HPSE2: variants seen among roughly 807,000 people sequenced by gnomAD.
HPSE2 encodes inactive heparanase-2.
Under a neutral mutation model 60.5 loss-of-function variants are expected in HPSE2, and 38 were observed. That is an observed-to-expected ratio of 0.63 (90% CI 0.48 to 0.82). HPSE2 has a LOEUF of 0.82. Among genes scored for constraint, HPSE2 ranks in the 40% least tolerant of loss-of-function variants. HPSE2 has a pLI of 0.00. For synonymous variants in HPSE2, 295 were observed against 293.2 expected (o/e 1.01, Z -0.06); for missense variants, 713 against 740.4 (o/e 0.96, Z 0.43).
chr10:98,963,607 A>G (rs778684900), intron 3 of HPSE2, among the ~76,000 whole-genome samples: 1 of 152,174 alleles, frequency 6.6e-6, no homozygotes, highest in Non-Finnish European at 1.5e-5. Flanking sequence ...TGCCAGCCAC[A>G]TGAATGAAAA....
chr10:99,131,443 A>C (rs1030539371), intron 3 of HPSE2, among the ~76,000 whole-genome samples: 5 of 152,176 alleles, frequency 3.3e-5, no homozygotes, highest in Admixed American at 1.3e-4. Flanking sequence ...CTAAACGCTC[A>C]ACAACCAACA....
At chr10:98,673,836 C>G (rs570109447) in intron 6 of HPSE2, among the ~76,000 whole-genome samples, 23 of 152,184 alleles carry the variant, frequency 1.5e-4, no homozygotes, top group Non-Finnish European at 3.1e-4. Context: ...CATTTACTAC[C>G]TGTGAGTACT....
intron 9 of HPSE2, among the ~76,000 whole-genome samples, chr10:98,604,631 G>GT (rs1487795955): frequency 6.6e-6 from 1 of 152,180 alleles, no homozygotes; most frequent in East Asian, 1.9e-4. Flanking sequence ...AAAGACAGTC[G>GT]TAAGTACTAT....
the HPSE2 span, among the ~76,000 whole-genome samples, chr10:99,298,762 C>G: frequency 1.3e-5 from 2 of 151,854 alleles, no homozygotes; most frequent in Non-Finnish European, 2.9e-5. Flanking sequence ...GCAACCTCTG[C>G]CTTCCGGGTT....
chr10:99,055,228 A>G (rs1160364228), intron 3 of HPSE2, among the ~76,000 whole-genome samples: 1 of 152,206 alleles, frequency 6.6e-6, no homozygotes, highest in African/African-American at 2.4e-5. Context: ...TATTGTAAAT[A>G]TGTAAAGAAT....
chr10:98,909,093 G>A (rs1953908153), intron 3 of HPSE2, among the ~76,000 whole-genome samples: 1 of 152,172 alleles, frequency 6.6e-6, no homozygotes, highest in Admixed American at 6.5e-5. Flanking sequence ...ACAAAATGGT[G>A]GAGCCACAAA....
the HPSE2 span, among the ~76,000 whole-genome samples, chr10:99,250,682 G>T: frequency 6.6e-6 from 1 of 152,042 alleles, no homozygotes; most frequent in Non-Finnish European, 1.5e-5. Flanking sequence ...AATAAAAATA[G>T]AAATCAATAC....
chr10:99,067,618 G>A lies in HPSE2; in HGVS notation c.610+76620C>T, dbSNP rs557604656. Among the ~76,000 whole-genome samples the A allele has an allele frequency of 1.4e-4, 21 of 152,326 alleles. No homozygotes were observed. The South Asian group carries it at 2.9e-3, about 21-fold the overall frequency. On this transcript the variant is annotated intron_variant, in intron 3 of 11. Coordinates refer to ENST00000370552, the MANE Select transcript of HPSE2 (RefSeq NM_021828.5). ...TTGGCTCCTTTTAACCACAGCTGGA[G>A]CAGCTAGGACACAGGGCACCAAGTT...
intron 9 of HPSE2, among the ~76,000 whole-genome samples, chr10:98,545,700 T>G (rs1045760348): frequency 6.6e-6 from 1 of 152,018 alleles, no homozygotes; most frequent in African/African-American, 2.4e-5. Context: ...AATATCATAC[T>G]GAATGGGCAA....
chr10:98,547,939 A>G, intron 9 of HPSE2, among the ~76,000 whole-genome samples: 1 of 152,298 alleles, frequency 6.6e-6, no homozygotes, highest in South Asian at 2.1e-4. Flanking sequence ...CAAAATTTCA[A>G]GAAGTTGAGC....
At chr10:98,543,715 A>T (rs1943555985) in intron 9 of HPSE2, among the ~76,000 whole-genome samples, 1 of 152,092 alleles carries the variant, frequency 6.6e-6, no homozygotes, top group African/African-American at 2.4e-5. Flanking sequence ...ACCAACAAAG[A>T]TCAAAAGAGA....
intron 9 of HPSE2, among the ~76,000 whole-genome samples, chr10:98,583,919 T>C (rs1256477938): frequency 2.6e-5 from 4 of 152,222 alleles, no homozygotes; most frequent in African/African-American, 7.2e-5. Flanking sequence ...GATGAACATT[T>C]GGGCTGTTTC....
At chr10:98,728,946 C>T (rs1041497733) in intron 4 of HPSE2, among the ~76,000 whole-genome samples, 5 of 152,124 alleles carry the variant, frequency 3.3e-5, no homozygotes, top group African/African-American at 1.2e-4. Context: ...GAGGTTGAGG[C>T]TACAGTTGGC....
At chr10:99,149,579 C>A (rs564953959) in intron 2 of HPSE2, among the ~76,000 whole-genome samples, 5 of 152,198 alleles carry the variant, frequency 3.3e-5, no homozygotes, top group African/African-American at 1.2e-4. Flanking sequence ...GAACTTATCA[C>A]AGTAATAGAG....
chr10:98,835,627 C>T (rs1163553767), intron 3 of HPSE2, among the ~76,000 whole-genome samples: 1 of 152,060 alleles, frequency 6.6e-6, no homozygotes, highest in Non-Finnish European at 1.5e-5. Flanking sequence ...TAAAATATGG[C>T]AAGTTATGGA....
At chr10:99,003,163 T>C (rs1281536368) in intron 3 of HPSE2, among the ~76,000 whole-genome samples, 2 of 152,184 alleles carry the variant, frequency 1.3e-5, no homozygotes, top group African/African-American at 4.8e-5. Flanking sequence ...TTCATCCATG[T>C]TGTCACAAAT....
chr10:98,765,220 A>G (rs1238546512), intron 3 of HPSE2, among the ~76,000 whole-genome samples: 1 of 152,212 alleles, frequency 6.6e-6, no homozygotes. Context: ...ATTCTTTAGC[A>G]GTGCTCATAA....
chr10:98,989,491 T>G (rs1274081847), intron 3 of HPSE2, among the ~76,000 whole-genome samples: 2 of 134,464 alleles, frequency 1.5e-5, no homozygotes. Context: ...CACCGGGGAC[T>G]GTTGTGGGGT....
At chr10:98,824,211 TA>T (rs144064598) in intron 3 of HPSE2, among the ~76,000 whole-genome samples, 7,614 of 152,148 alleles carry the variant, frequency 0.05, 591 homozygotes, top group African/African-American at 0.17. Context: ...TTAAAGTCAA[TA>T]AGAAGATAAA....
Sources: gnomAD v4.1 joint callset for allele counts (sites outside exome capture counted in the v4.1 genomes callset) on GRCh38, gnomAD v4.1.1 for gene constraint, MANE v1.5 for transcripts, NCBI Gene and HGNC (gene_info 2026-07-23, HGNC 2026-07-21) for gene names.